CENPC: variants seen among roughly 807,000 people sequenced by gnomAD.
The protein encoded by CENPC is CENP-C 1.
CENPC carries 63 observed loss-of-function variants against 112.1 expected under a neutral mutation model. That is an observed-to-expected ratio of 0.56 (90% CI 0.46 to 0.69). CENPC has a LOEUF of 0.69. Among genes scored for constraint, CENPC ranks in the 30% least tolerant of loss-of-function variants. The pLI, the probability that CENPC is intolerant of heterozygous loss-of-function variation, is 0.00. For missense variants in CENPC, 1,000 were observed against 1,103.8 expected (o/e 0.91, Z 1.33); for synonymous variants, 333 against 367.6 (o/e 0.91, Z 1.08).
Position 67,492,322 on chromosome 4 carries a change from T to C in CENPC, c.2420-47A>G, listed in dbSNP as rs537948403. The C allele has an allele frequency of 1.7e-5, 22 of 1,284,490 alleles. No homozygotes were observed. The South Asian group carries it at 1.8e-4, about 10-fold the overall frequency. The allele number at this position is 1,284,490 out of a possible 1,614,324, so 79.6% of individuals were successfully genotyped here. On this transcript the variant is annotated intron_variant, in intron 15 of 18. Coordinates refer to ENST00000273853, the MANE Select transcript of CENPC (RefSeq NM_001812.4). ...AATACAAACTACTTACTTAAAATTA[T>C]TCTCAATCCCAAAAAGTTCAGTACA...
In CENPC at chr4:67,545,438, A is replaced by G; in HGVS notation, c.-83T>C. 1 of 1,367,608 alleles carries G rather than the reference A, an allele frequency of 7.3e-7. No homozygotes were observed. 84.7% of individuals were successfully genotyped at this position (1,367,608 alleles called of 1,614,324 possible). On this transcript the variant is annotated 5_prime_UTR_variant, in exon 1 of 19. Coordinates refer to ENST00000273853, the MANE Select transcript of CENPC (RefSeq NM_001812.4). ...GCTCCAGGAAGCCGAGCAAGAAACG[A>G]ATCGCCGGAATACCAGGCCGCGGCC...
At chr4:67,522,106 A>C (rs1726245355) in intron 5 of CENPC, among the ~76,000 whole-genome samples, 1 of 152,240 alleles carries the variant, frequency 6.6e-6, no homozygotes, top group East Asian at 1.9e-4. Flanking sequence ...CAATATTTTA[A>C]AATACACTTC....
At position 67,519,464 on chromosome 4, in the gene CENPC, C is replaced by G. The variant is rs1560437184; in HGVS notation, c.370G>C (p.Asp124His). 3 of 1,596,294 alleles carry G rather than the reference C, an allele frequency of 1.9e-6. No individual in the cohort carries two copies. The highest frequency in any genetic ancestry group is 2.6e-6 in the Non-Finnish European group (3 of 1,168,776). ...TCAGGTGTATTTTTGGAACTAACAT[C>G]AGTTGCCAGAATTTTCTGATGAACT... is the stretch of plus-strand genomic sequence containing the variant. ...HEVHQKILAT[D>H]VSSKNTPDSK... The change falls in exon 6 of 19, where the codon GAT (aspartate) becomes CAT (histidine). Residue 124 changes from aspartate (D) to histidine (H), a missense_variant. Physicochemically the swap from Asp to His is moderately conservative, Grantham distance 81. Coordinates refer to ENST00000273853, the MANE Select transcript of CENPC (RefSeq NM_001812.4).
At chr4:67,537,421 T>A (rs1726757403) in intron 4 of CENPC, among the ~76,000 whole-genome samples, 1 of 152,162 alleles carries the variant, frequency 6.6e-6, no homozygotes, top group Non-Finnish European at 1.5e-5. Flanking sequence ...TTTGGGAAGC[T>A]GAGGCAGGAG....
At chr4:67,528,016 C>T (rs1056231241) in intron 5 of CENPC, among the ~76,000 whole-genome samples, 1 of 152,024 alleles carries the variant, frequency 6.6e-6, no homozygotes, top group African/African-American at 2.4e-5. Flanking sequence ...GGCAAGAAGA[C>T]TGAAATAATC....
intron 5 of CENPC, among the ~76,000 whole-genome samples, chr4:67,528,247 G>C (rs1248720465): frequency 6.6e-6 from 1 of 152,132 alleles, no homozygotes; most frequent in East Asian, 1.9e-4. Flanking sequence ...ACCTTAACAA[G>C]AAAGTCAAAG....
rs777682498 is a variant in CENPC at position 67,506,782 on chromosome 4, G to A, written c.2051+6C>T. ...TACAACTATTATCCTTACAATACACGCATACCTTTCCTCTAAAACTGAAGT... is the reference window on the plus strand; with the variant it reads ...TACAACTATTATCCTTACAATACACACATACCTTTCCTCTAAAACTGAAGT... On this transcript the variant is annotated splice_donor_region_variant and intron_variant, in intron 11 of 18. Coordinates refer to ENST00000273853, the MANE Select transcript of CENPC (RefSeq NM_001812.4). 5.1e-6 allele frequency: 8 copies of A among 1,581,902 alleles called. No homozygotes were observed. The highest frequency in any genetic ancestry group is 2.7e-5 in the African/African-American group (2 of 74,020).
chr4:67,541,761 G>A (rs1031835026), intron 2 of CENPC, among the ~76,000 whole-genome samples: 4 of 152,096 alleles, frequency 2.6e-5, no homozygotes, highest in Admixed American at 6.6e-5. Context: ...AAAACAACCA[G>A]AGTCAAGATA....
chr4:67,492,310 T>A, intron 15 of CENPC, 35 bp from the exon 16 acceptor site: 1 of 1,354,674 alleles, frequency 7.4e-7, no homozygotes, highest in Non-Finnish European at 1.0e-6. Context: ...ACAAACTACT[T>A]ACTTAAAATT....
At chr4:67,521,748 T>C (rs1199760012) in intron 5 of CENPC, among the ~76,000 whole-genome samples, 2 of 152,290 alleles carry the variant, frequency 1.3e-5, no homozygotes, top group Middle Eastern at 3.4e-3. Flanking sequence ...AACAGATTAA[T>C]AGATAAAAAG....
intron 15 of CENPC, 185 bp downstream of exon 15, chr4:67,492,684 T>A (rs1027937276): frequency 3.2e-5 from 32 of 1,009,324 alleles, no homozygotes; most frequent in Non-Finnish European, 3.9e-5. Context: ...CTATTAATAA[T>A]TTTTTAAGAA....
chr4:67,526,288 A>G (rs1202649558), intron 5 of CENPC, among the ~76,000 whole-genome samples: 1 of 152,088 alleles, frequency 6.6e-6, no homozygotes, highest in Non-Finnish European at 1.5e-5. Context: ...GTACCTATGT[A>G]ACAAACCTGC....
At chr4:67,480,202 C>T (rs959750291) in intron 17 of CENPC, among the ~76,000 whole-genome samples, 1 of 152,096 alleles carries the variant, frequency 6.6e-6, no homozygotes, top group East Asian at 1.9e-4. Context: ...GCCTGTAATC[C>T]CAGCTACTTG....
chr4:67,519,427 A>AT lies in CENPC; in HGVS notation c.406dup (p.Ile136AsnfsTer4), dbSNP rs755030583. 3 of 1,611,088 alleles carry AT rather than the reference A, an allele frequency of 1.9e-6. No individual in the cohort carries two copies. The highest frequency in any genetic ancestry group is 1.1e-5 in the South Asian group (1 of 90,716). ...ATGATCATTTATGTTTCTACTTGAT[A>AT]TTTTTTTCGAGTCAGGTGTATTTTT... On this transcript the variant is annotated frameshift_variant, in exon 6 of 19. Transcript: ENST00000273853. LOFTEE classifies it high-confidence loss of function.
At chr4:67,504,854 G>A (rs978844759) in intron 12 of CENPC, among the ~76,000 whole-genome samples, 1 of 151,950 alleles carries the variant, frequency 6.6e-6, no homozygotes, top group Non-Finnish European at 1.5e-5. Flanking sequence ...TTCAAGTATT[G>A]AAAATAGAGA....
chr4:67,490,867 TATATATATATAGAA>T (rs1157898292), intron 16 of CENPC, among the ~76,000 whole-genome samples: 1 of 20,706 alleles, frequency 4.8e-5, no homozygotes, highest in Non-Finnish European at 1.6e-4. Flanking sequence ...TATATATATA[TATATATATATAGAA>T]ATATATAGAA....
At chr4:67,491,571 A>C (rs1725283698) in intron 16 of CENPC, among the ~76,000 whole-genome samples, 2 of 141,928 alleles carry the variant, frequency 1.4e-5, no homozygotes, top group African/African-American at 5.3e-5. Context: ...CTCCTATCCC[A>C]CTATAGCCCA....
At chr4:67,485,092 C>G (rs1365226958) in intron 17 of CENPC, among the ~76,000 whole-genome samples, 1 of 152,040 alleles carries the variant, frequency 6.6e-6, no homozygotes, top group African/African-American at 2.4e-5. Flanking sequence ...GACTCCAACT[C>G]AAAAAGATTA....
chr4:67,502,141 C>A (rs1294322393), intron 12 of CENPC, among the ~76,000 whole-genome samples: 5 of 151,832 alleles, frequency 3.3e-5, no homozygotes, highest in Non-Finnish European at 7.4e-5. Context: ...AAGATCATGA[C>A]TCAAGATTAT....
Sources: gnomAD v4.1 joint callset for allele counts (sites outside exome capture counted in the v4.1 genomes callset) on GRCh38, gnomAD v4.1.1 for gene constraint, MANE v1.5 for transcripts, NCBI Gene and HGNC (gene_info 2026-07-23, HGNC 2026-07-21) for gene names.